Variants in ZC4H2 observed in about 807,000 individuals in gnomAD.
The protein encoded by ZC4H2 is zinc finger C4H2 domain-containing protein.
For missense variants in ZC4H2, 137 were observed against 173.9 expected (o/e 0.79, Z 1.19); for synonymous variants, 84 against 66.3 (o/e 1.27, Z -1.30).
chrX:64,997,807 G>A (rs1416525612), intron 1 of ZC4H2, among the ~76,000 whole-genome samples: 2 of 111,365 alleles, frequency 1.8e-5, no homozygotes, highest in South Asian at 7.6e-4. Context: ...GGCAGAGATA[G>A]GGGTTTCACC....
Position 64,945,764 on chromosome X carries a change from C to T in ZC4H2, c.54-23776G>A, listed in dbSNP as rs1032468116. Among the ~76,000 whole-genome samples the T allele has an allele frequency of 1.6e-3, 173 of 111,302 alleles. 2 individuals are homozygous for T. Among genetic ancestry groups the T allele is most frequent in the Non-Finnish European group, 4.5e-4 (24 of 52,992 alleles). On this transcript the variant is annotated intron_variant, in intron 1 of 4. Transcript: ENST00000374839. ...TAACTGGGACTGCTGCCTTTTTTCC[C>T]GAGACGCCCTGCCCAGGGAGGAGGA...
intron 1 of ZC4H2, among the ~76,000 whole-genome samples, chrX:65,017,998 G>C (rs1042017688): frequency 1.8e-5 from 2 of 111,700 alleles, no homozygotes; most frequent in South Asian, 3.7e-4. Context: ...AGTATCTAAA[G>C]AGCTTCTGCA....
At chrX:64,958,123 T>C (rs1461473228) in intron 1 of ZC4H2, among the ~76,000 whole-genome samples, 2 of 112,006 alleles carry the variant, frequency 1.8e-5, no homozygotes, top group Non-Finnish European at 3.8e-5. Flanking sequence ...GTATAGTAAA[T>C]GCATACACCA....
chrX:64,952,001 T>C (rs1248968828), intron 1 of ZC4H2, among the ~76,000 whole-genome samples: 1 of 111,279 alleles, frequency 9.0e-6, no homozygotes, highest in Non-Finnish European at 1.9e-5. Context: ...AGGGATCCAG[T>C]TTCAGCTTTC....
chrX:65,005,300 T>C (rs763743502), intron 1 of ZC4H2, among the ~76,000 whole-genome samples: 1 of 111,286 alleles, frequency 9.0e-6, no homozygotes, highest in Non-Finnish European at 1.9e-5. Flanking sequence ...AGAACAAAGC[T>C]GGAGGCATCA....
In ZC4H2 at chrX:64,923,129, C is replaced by G. The variant is rs184958954; in HGVS notation, c.54-1141G>C. Among the ~76,000 whole-genome samples, 27 of 111,980 alleles carry G rather than the reference C, an allele frequency of 2.4e-4. No homozygotes were observed. In the East Asian group the frequency reaches 2.8e-3, roughly 12 times the overall value. On this transcript the variant is annotated intron_variant, in intron 1 of 4. Transcript: ENST00000374839. Reference sequence around the variant, plus strand: ...CTTTCAGCAAAATTAGGATATTTGACAGCCACTGAAGACTTGTGACATAGA... The same window carrying G: ...CTTTCAGCAAAATTAGGATATTTGAGAGCCACTGAAGACTTGTGACATAGA...
intron 1 of ZC4H2, among the ~76,000 whole-genome samples, chrX:65,014,276 T>C (rs747341500): frequency 1.8e-5 from 2 of 111,664 alleles, no homozygotes; most frequent in African/African-American, 6.5e-5. Flanking sequence ...TACACAACCA[T>C]TTTGAGGGCA....
intron 1 of ZC4H2, among the ~76,000 whole-genome samples, chrX:65,014,598 C>A (rs1022412581): frequency 2.7e-5 from 3 of 111,876 alleles, no homozygotes; most frequent in African/African-American, 9.7e-5. Context: ...CATATTTGCA[C>A]TTTTTGGCTG....
intron 1 of ZC4H2, among the ~76,000 whole-genome samples, chrX:65,032,258 T>TA (rs943238462): frequency 2.0e-4 from 22 of 112,127 alleles, no homozygotes; most frequent in African/African-American, 5.2e-4. Flanking sequence ...TATACACTGA[T>TA]AAAAAAATGT....
At chrX:64,930,268 GATT>G (rs1929680970) in intron 1 of ZC4H2, among the ~76,000 whole-genome samples, 1 of 111,500 alleles carries the variant, frequency 9.0e-6, no homozygotes, top group Non-Finnish European at 1.9e-5. Flanking sequence ...GGAGCTTTTG[GATT>G]ATTCTTTAGG....
At chrX:64,924,678 T>G (rs1173541104) in intron 1 of ZC4H2, among the ~76,000 whole-genome samples, 2 of 111,374 alleles carry the variant, frequency 1.8e-5, no homozygotes, top group Non-Finnish European at 3.8e-5. Context: ...AGTTCGCTGG[T>G]GAGTGCAGGT....
intron 1 of ZC4H2, among the ~76,000 whole-genome samples, chrX:65,032,255 T>C (rs909120562): frequency 3.6e-5 from 4 of 112,209 alleles, no homozygotes; most frequent in South Asian, 3.7e-4. Context: ...CTCTATACAC[T>C]GATAAAAAAA....
At chrX:64,959,861 T>A (rs1931308316) in intron 1 of ZC4H2, among the ~76,000 whole-genome samples, 1 of 111,333 alleles carries the variant, frequency 9.0e-6, no homozygotes. Flanking sequence ...ACCCTGACTT[T>A]ACATTTTTGA....
intron 1 of ZC4H2, among the ~76,000 whole-genome samples, chrX:64,928,552 A>G (rs1465185866): frequency 9.0e-6 from 1 of 111,021 alleles, no homozygotes; most frequent in Non-Finnish European, 1.9e-5. Context: ...AGTGATGTTA[A>G]GCGGGTTTTT....
Position 65,028,723 on chromosome X carries a change from G to T in ZC4H2, c.-272+5906C>A, listed in dbSNP as rs763202650. On this transcript the variant is annotated intron_variant, in intron 1 of 4. Coordinates refer to the ZC4H2 transcript ENST00000337990. ...ATTTTTGTATTTTTAGTAGAGACAG[G>T]GTTTCACCATGTTGGCCAGGCTGGT... 1.5e-3 allele frequency among the ~76,000 whole-genome samples: 162 copies of T among 110,908 alleles called. 1 individual carries two copies. Among genetic ancestry groups the T allele is most frequent in the Non-Finnish European group, 2.5e-3 (130 of 52,966 alleles).
At chrX:64,938,912 C>T (rs912493622) in intron 1 of ZC4H2, among the ~76,000 whole-genome samples, 7 of 111,737 alleles carry the variant, frequency 6.3e-5, no homozygotes, top group African/African-American at 2.0e-4. Flanking sequence ...ACTTCTATTC[C>T]ACATAGTATT....
At chrX:64,988,153 G>A (rs1210235037) in intron 1 of ZC4H2, among the ~76,000 whole-genome samples, 1 of 110,031 alleles carries the variant, frequency 9.1e-6, no homozygotes, top group Non-Finnish European at 1.9e-5. Flanking sequence ...ATTTGGGTTG[G>A]TTCCAAGTCT....
intron 1 of ZC4H2, among the ~76,000 whole-genome samples, chrX:65,022,876 G>A (rs1210610350): frequency 8.9e-6 from 1 of 111,943 alleles, no homozygotes; most frequent in Non-Finnish European, 1.9e-5. Context: ...ACTGCGCAAG[G>A]TAATCTATAG....
chrX:65,024,679 T>C (rs958615846), intron 1 of ZC4H2, among the ~76,000 whole-genome samples: 4 of 112,253 alleles, frequency 3.6e-5, no homozygotes, highest in African/African-American at 9.7e-5. Context: ...ATCAATTAAA[T>C]GTGGTATATA....
Sources: allele counts gnomAD v4.1 joint callset (sites outside exome capture counted in the v4.1 genomes callset), GRCh38; gene constraint gnomAD v4.1.1; transcripts MANE v1.5; gene names NCBI Gene and HGNC (gene_info 2026-07-23, HGNC 2026-07-21).